BMP2K: variants seen among roughly 807,000 people sequenced by gnomAD.
BMP2K encodes BMP2 inducible kinase, also known as BMP-2-inducible protein kinase.
BMP2K carries 74 observed loss-of-function variants against 116.0 expected under a neutral mutation model. The ratio of observed to expected loss-of-function variants is 0.64; its 90% confidence interval spans 0.53 to 0.77. The LOEUF is 0.77. BMP2K is among the 30% of genes least tolerant of loss of function. The probability of loss-of-function intolerance (pLI) is 0.00; values close to 1 mark genes in which losing one functional copy is unlikely to be tolerated. For missense variants in BMP2K, 1,365 were observed against 1,403.6 expected, an observed-to-expected ratio of 0.97 and a Z score of 0.44; for synonymous variants, 486 against 502.5, an observed-to-expected ratio of 0.97 and a Z score of 0.44.
intron 15 of BMP2K, among the ~76,000 whole-genome samples, chr4:78,889,745 T>C (rs1733328616): frequency 6.6e-6 from 1 of 152,248 alleles, no homozygotes; most frequent in African/African-American, 2.4e-5. Context: ...TGTATGTGTG[T>C]ATATACAATA....
chr4:78,852,762 T>C (rs2110035511), intron 7 of BMP2K, among the ~76,000 whole-genome samples: 1 of 152,176 alleles, frequency 6.6e-6, no homozygotes, highest in Middle Eastern at 3.4e-3. Flanking sequence ...TGTGCCACCA[T>C]GCTGGTTTAA....
At chr4:78,906,389 T>A (rs1477747199) in intron 15 of BMP2K, among the ~76,000 whole-genome samples, 1 of 152,164 alleles carries the variant, frequency 6.6e-6, no homozygotes, top group Non-Finnish European at 1.5e-5. Context: ...AACCAGTCTA[T>A]CTACACCAAC....
chr4:78,887,330 A>C, intron 15 of BMP2K, 46 bp downstream of exon 15: 1 of 1,342,640 alleles, frequency 7.4e-7, no homozygotes, highest in Non-Finnish European at 1.1e-6. Flanking sequence ...TAAAACACAC[A>C]AGAACAACAG....
chr4:78,887,114 A>T, intron 14 of BMP2K, 60 bp from the exon 15 acceptor site: 1 of 1,223,888 alleles, frequency 8.2e-7, no homozygotes, highest in Non-Finnish European at 1.2e-6. Context: ...ATCACTTTTT[A>T]ATTTAAAGAT....
chr4:78,834,387 G>A (rs1460787129), intron 3 of BMP2K, among the ~76,000 whole-genome samples: 2 of 148,250 alleles, frequency 1.3e-5, no homozygotes, highest in Non-Finnish European at 3.0e-5. Flanking sequence ...TCAGCCTCCC[G>A]AGTAGCTGGG....
rs191851006 is a variant in BMP2K at position 78,846,762 on chromosome 4, C to T, written c.669-426C>T. 2.6e-3 allele frequency among the ~76,000 whole-genome samples: 392 copies of T among 151,650 alleles called. 1 individual carries two copies. Among genetic ancestry groups the T allele is most frequent in the Non-Finnish European group, 4.4e-3 (301 of 67,666 alleles). On this transcript the variant is annotated intron_variant, in intron 5 of 15. Transcript: ENST00000502613. ...GGAAGTACGTTAGAGTCCATAAAAA[C>T]AATTTCCTTAGTAAATATATAAATT...
intron 1 of BMP2K, among the ~76,000 whole-genome samples, chr4:78,786,143 C>T (rs1353522846): frequency 6.6e-6 from 1 of 152,080 alleles, no homozygotes; most frequent in Admixed American, 6.5e-5. Context: ...TGTTGAAATC[C>T]CAACGCCCAA....
intron 1 of BMP2K, among the ~76,000 whole-genome samples, chr4:78,805,570 A>C (rs137901830): frequency 6.6e-6 from 1 of 152,174 alleles, no homozygotes. Context: ...TCAGCATACA[A>C]ATTTTTATTA....
intron 1 of BMP2K, among the ~76,000 whole-genome samples, chr4:78,798,512 TCTTAGAAAAAC>T (rs1728407852): frequency 6.6e-6 from 1 of 152,230 alleles, no homozygotes; most frequent in Non-Finnish European, 1.5e-5. Context: ...AACAATTTGT[TCTTAGAAAAAC>T]TATGATCATG....
At chr4:78,817,562 C>G (rs1729411230) in intron 1 of BMP2K, among the ~76,000 whole-genome samples, 1 of 152,166 alleles carries the variant, frequency 6.6e-6, no homozygotes, top group Admixed American at 6.5e-5. Context: ...GCTAGGTACA[C>G]CACTCTGCCA....
intron 14 of BMP2K, among the ~76,000 whole-genome samples, chr4:78,881,099 C>G (rs930735451): frequency 2.0e-5 from 3 of 152,164 alleles, no homozygotes; most frequent in African/African-American, 4.8e-5. Flanking sequence ...TGCTGTTAGT[C>G]TCACTTCCAC....
At chr4:78,907,138 A>T (rs1232887571) in intron 15 of BMP2K, among the ~76,000 whole-genome samples, 1 of 152,224 alleles carries the variant, frequency 6.6e-6, no homozygotes, top group Non-Finnish European at 1.5e-5. Flanking sequence ...GGAATATTTT[A>T]TCATATTTCT....
chr4:78,882,070 TC>T (rs1263690473), intron 14 of BMP2K, among the ~76,000 whole-genome samples: 1 of 152,038 alleles, frequency 6.6e-6, no homozygotes, highest in Admixed American at 6.5e-5. Flanking sequence ...AATAATACAT[TC>T]CCATTTGGGG....
At chr4:78,892,804 A>G (rs1288945618) in intron 15 of BMP2K, among the ~76,000 whole-genome samples, 1 of 152,228 alleles carries the variant, frequency 6.6e-6, no homozygotes, top group African/African-American at 2.4e-5. Context: ...AAAAAAATGT[A>G]TATACCATAA....
intron 7 of BMP2K, 62 bp downstream of exon 7, chr4:78,851,118 A>G: frequency 7.2e-7 from 1 of 1,383,894 alleles, no homozygotes; most frequent in Non-Finnish European, 9.6e-7. Flanking sequence ...CCTACTATTT[A>G]CATTCCTTTA....
intron 1 of BMP2K, among the ~76,000 whole-genome samples, chr4:78,814,391 T>C (rs1251781363): frequency 1.3e-5 from 2 of 152,178 alleles, no homozygotes; most frequent in East Asian, 3.8e-4. Context: ...GTTGATATGG[T>C]TTGACTGTGT....
chr4:78,800,259 A>ATCC (rs2109953644), intron 1 of BMP2K, among the ~76,000 whole-genome samples: 1 of 152,280 alleles, frequency 6.6e-6, no homozygotes, highest in South Asian at 2.1e-4. Context: ...CAGTAGTCCT[A>ATCC]TCCTCCCCTT....
Position 78,847,258 on chromosome 4 carries a change from G to A in BMP2K, c.739G>A (p.Ala247Thr), listed in dbSNP as rs560393905. 3.0e-5 allele frequency: 47 copies of A among 1,591,080 alleles called. 1 individual carries two copies. The highest frequency in any genetic ancestry group is 3.4e-4 in the Middle Eastern group (2 of 5,964). ...TGGAGGGAAACCCATCACCACCAAGGCTGATATCTGGGTAAGGCCAAGAAA... is the reference window on the plus strand; with the variant it reads ...TGGAGGGAAACCCATCACCACCAAGACTGATATCTGGGTAAGGCCAAGAAA... ...LYGGKPITTK[A>T]DIWALGCLLY... The change falls in exon 6 of 16, where the codon GCT becomes ACT. Residue 247 changes from alanine (A) to threonine (T), a missense_variant. Around this residue, in one of 3 missense-constraint regions of BMP2K, gnomAD observed 762 missense variants for 756.7 expected, o/e 1.01. Coordinates refer to ENST00000502613, the MANE Select transcript of BMP2K (RefSeq NM_198892.2).
At position 78,865,616 on chromosome 4, in the gene BMP2K, C is replaced by A. The variant is rs371583676; in HGVS notation, c.1127C>A (p.Ala376Asp). 1 of 1,614,098 alleles carries A rather than the reference C, an allele frequency of 6.2e-7. No individual in the cohort carries two copies. Among genetic ancestry groups the A allele is most frequent in the Non-Finnish European group, 8.5e-7 (1 of 1,179,994 alleles). Reference sequence around the variant, plus strand: ...ATTGCACCAAGACAAAGACCAAAGGCCAACTCTGCTACTACTGCCACTCCC... The same window carrying A: ...ATTGCACCAAGACAAAGACCAAAGGACAACTCTGCTACTACTGCCACTCCC... ...TSIAPRQRPK[A>D]NSATTATPSV... Residue 376 changes from alanine to aspartate, a missense_variant, in exon 10 of 16, where the codon GCC becomes GAC. Ala to Asp is a moderately radical substitution (Grantham distance 126, BLOSUM62 -2). Transcript: ENST00000502613.
Sources: gnomAD v4.1 joint callset for allele counts (sites outside exome capture counted in the v4.1 genomes callset) on GRCh38, gnomAD v4.1.1 for gene constraint, gnomAD v4.1.1 regional missense constraint, MANE v1.5 for transcripts, NCBI Gene and HGNC (gene_info 2026-07-23, HGNC 2026-07-21) for gene names.